Variants in RSPO2 observed in about 807,000 individuals in gnomAD.
The protein encoded by RSPO2 is R-spondin-2.
In RSPO2, 14 loss-of-function variants were observed where a neutral mutation model predicts 30.9. The observed-to-expected ratio is 0.45, with a 90% CI of 0.30 to 0.71. RSPO2 has a LOEUF of 0.71. Ranked by LOEUF, RSPO2 falls within the 30% of genes least tolerant of loss-of-function variation. The pLI is 0.08. For synonymous variants in RSPO2, 107 were observed against 96.4 expected (o/e 1.11, Z -0.64); for missense variants, 264 against 301.9 (o/e 0.87, Z 0.93).
intron 5 of RSPO2, among the ~76,000 whole-genome samples, chr8:107,920,460 C>T (rs578162453): frequency 1.3e-5 from 2 of 152,174 alleles, no homozygotes; most frequent in South Asian, 4.1e-4. Flanking sequence ...ACATGATCCT[C>T]TAGGGAAGTC....
At chr8:108,042,729 G>A (rs1344697737) in intron 2 of RSPO2, among the ~76,000 whole-genome samples, 2 of 152,086 alleles carry the variant, frequency 1.3e-5, no homozygotes, top group Admixed American at 1.3e-4. Flanking sequence ...TTACGGCTGG[G>A]GCAACAATGG....
At chr8:107,949,405 G>A (rs1168387405) in intron 5 of RSPO2, among the ~76,000 whole-genome samples, 1 of 149,436 alleles carries the variant, frequency 6.7e-6, no homozygotes, top group Non-Finnish European at 1.5e-5. Context: ...CTCTTTGATG[G>A]GTATCTAGGT....
chr8:107,900,931 G>T lies in RSPO2; in HGVS notation c.*144C>A. The T allele has an allele frequency of 1.2e-6, 1 of 800,800 alleles. No homozygotes were observed. Among genetic ancestry groups the T allele is most frequent in the African/African-American group, 1.7e-5 (1 of 57,562 alleles). 49.6% of individuals were successfully genotyped at this position (800,800 alleles called of 1,614,324 possible). ...CATAAATAACACAGGGGCCATGCTG[G>T]TGGTGCTTCCTTTCACCATGTTACT... On this transcript the variant is annotated 3_prime_UTR_variant, in exon 6 of 6. Coordinates refer to ENST00000276659, the MANE Select transcript of RSPO2 (RefSeq NM_178565.5).
At chr8:108,043,425 A>T (rs916183852) in intron 2 of RSPO2, among the ~76,000 whole-genome samples, 10 of 152,098 alleles carry the variant, frequency 6.6e-5, no homozygotes, top group African/African-American at 2.4e-4. Flanking sequence ...AAAGGATTAC[A>T]TTTCATCTGT....
intron 5 of RSPO2, among the ~76,000 whole-genome samples, chr8:107,931,623 G>GT (rs1233174260): frequency 6.6e-6 from 1 of 152,166 alleles, no homozygotes; most frequent in Non-Finnish European, 1.5e-5. Context: ...ACCAACGGAT[G>GT]TAAGTTTCAG....
At chr8:108,041,464 C>A (rs760058708) in intron 2 of RSPO2, among the ~76,000 whole-genome samples, 1 of 151,680 alleles carries the variant, frequency 6.6e-6, no homozygotes, top group Non-Finnish European at 1.5e-5. Flanking sequence ...AAATTGAGAC[C>A]AACAGCAAAA....
intron 5 of RSPO2, among the ~76,000 whole-genome samples, chr8:107,918,307 C>G (rs1563519904): frequency 6.6e-6 from 1 of 152,104 alleles, no homozygotes; most frequent in Non-Finnish European, 1.5e-5. Flanking sequence ...TGTGAGTATT[C>G]TCAATTTATG....
At position 108,072,409 on chromosome 8, in the gene RSPO2, T is replaced by G. The variant is rs1401125473; in HGVS notation, c.94+10136A>C. Among the ~76,000 whole-genome samples the G allele has an allele frequency of 7.5e-5, 10 of 133,674 alleles. No individual in the cohort carries two copies. The Admixed American group carries it at 8.3e-4, about 11-fold the overall frequency. 87.7% of individuals were successfully genotyped at this position (133,674 alleles called of 152,430 possible). A position where few individuals can be genotyped will look rare whatever the true frequency, so the allele number is the denominator to read the frequency against. On this transcript the variant is annotated intron_variant, in intron 2 of 5. Coordinates refer to ENST00000276659, the MANE Select transcript of RSPO2 (RefSeq NM_178565.5). Reference sequence around the variant, plus strand: ...GGTGCGATCTCGGCCCACTGCAAACTCCGCCTCCCGGGTTCACGCCATTCT... The same window carrying G: ...GGTGCGATCTCGGCCCACTGCAAACGCCGCCTCCCGGGTTCACGCCATTCT...
intron 3 of RSPO2, among the ~76,000 whole-genome samples, chr8:107,988,455 G>C (rs1814727366): frequency 6.6e-6 from 1 of 151,120 alleles, no homozygotes; most frequent in Non-Finnish European, 1.5e-5. Context: ...CACTGAGTAG[G>C]TACTCGTTAC....
At chr8:108,000,777 A>G (rs1815216628) in intron 2 of RSPO2, among the ~76,000 whole-genome samples, 1 of 152,100 alleles carries the variant, frequency 6.6e-6, no homozygotes, top group Admixed American at 6.5e-5. Flanking sequence ...CAAGGTGGGC[A>G]GATCACCAGG....
At chr8:108,064,512 G>A (rs1213385106) in intron 2 of RSPO2, among the ~76,000 whole-genome samples, 1 of 152,180 alleles carries the variant, frequency 6.6e-6, no homozygotes, top group Non-Finnish European at 1.5e-5. Flanking sequence ...TCATTAAAAA[G>A]TCAGGAAACA....
At chr8:107,989,849 A>G (rs1034218458) in intron 2 of RSPO2, among the ~76,000 whole-genome samples, 12 of 152,216 alleles carry the variant, frequency 7.9e-5, no homozygotes, top group South Asian at 2.1e-4. Flanking sequence ...AAATAAATAA[A>G]TATAGAATTA....
At chr8:107,932,743 AAAC>A (rs897164478) in intron 5 of RSPO2, among the ~76,000 whole-genome samples, 5 of 152,114 alleles carry the variant, frequency 3.3e-5, no homozygotes, top group Non-Finnish European at 5.9e-5. Context: ...CATAAAGAGA[AAAC>A]AACATCATCT....
At chr8:108,016,552 C>A (rs1418215863) in intron 2 of RSPO2, among the ~76,000 whole-genome samples, 1 of 152,150 alleles carries the variant, frequency 6.6e-6, no homozygotes, top group African/African-American at 2.4e-5. Flanking sequence ...AAAAAAACCA[C>A]CTTCAGAGAA....
At chr8:108,019,798 A>T (rs1811002646) in intron 2 of RSPO2, among the ~76,000 whole-genome samples, 1 of 152,144 alleles carries the variant, frequency 6.6e-6, no homozygotes, top group Admixed American at 6.5e-5. Flanking sequence ...GTAGTCCCTT[A>T]TGGGGATATG....
intron 3 of RSPO2, among the ~76,000 whole-genome samples, chr8:107,968,626 G>A (rs540438219): frequency 5.8e-4 from 88 of 151,896 alleles, no homozygotes; most frequent in African/African-American, 1.4e-3. Flanking sequence ...TTGAGGTGAC[G>A]GATATCCTAA....
chr8:107,905,045 T>A (rs1363465069), intron 5 of RSPO2, among the ~76,000 whole-genome samples: 1 of 152,088 alleles, frequency 6.6e-6, no homozygotes, highest in Non-Finnish European at 1.5e-5. Flanking sequence ...GTAGATTATT[T>A]TGAACCAAGA....
intron 2 of RSPO2, among the ~76,000 whole-genome samples, chr8:108,002,471 T>A (rs1815283247): frequency 6.6e-6 from 1 of 152,188 alleles, no homozygotes; most frequent in South Asian, 2.1e-4. Context: ...TAGGAAAATC[T>A]TCCCCTCCTG....
chr8:108,038,259 A>G (rs1811656040), intron 2 of RSPO2, among the ~76,000 whole-genome samples: 1 of 152,308 alleles, frequency 6.6e-6, no homozygotes, highest in African/African-American at 2.4e-5. Flanking sequence ...CATGGTAGAA[A>G]TGGCAAGAGA....
Sources: allele counts gnomAD v4.1 joint callset (sites outside exome capture counted in the v4.1 genomes callset), GRCh38; gene constraint gnomAD v4.1.1; transcripts MANE v1.5; gene names NCBI Gene and HGNC (gene_info 2026-07-23, HGNC 2026-07-21).